Variants in DROSHA observed in about 807,000 individuals in gnomAD.
The protein encoded by DROSHA is ribonuclease 3.
In DROSHA, 56 loss-of-function variants were observed where a neutral mutation model predicts 181.9. The ratio of observed to expected loss-of-function variants is 0.31; its 90% CI spans 0.25 to 0.38. DROSHA has a LOEUF of 0.38. Ranked by LOEUF, DROSHA falls within the 10% of genes least tolerant of loss-of-function variation. The pLI is 1.00. For synonymous variants in DROSHA, 524 were observed against 591.2 expected, an observed-to-expected ratio of 0.89 and a Z score of 1.65; for missense variants, 1,218 against 1,743.5, an observed-to-expected ratio of 0.70 and a Z score of 5.37.
At chr5:31,494,320 A>G (rs1003242553) in intron 12 of DROSHA, among the ~76,000 whole-genome samples, 2 of 152,208 alleles carry the variant, frequency 1.3e-5, no homozygotes, top group African/African-American at 4.8e-5. Flanking sequence ...CTGATGACCT[A>G]TAAGACATAT....
At chr5:31,440,466 G>A (rs895675599) in intron 23 of DROSHA, among the ~76,000 whole-genome samples, 7 of 151,786 alleles carry the variant, frequency 4.6e-5, no homozygotes, top group African/African-American at 1.2e-4. Flanking sequence ...TTCACTTATC[G>A]CATTAGTAAG....
chr5:31,441,766 T>G (rs967117918), intron 23 of DROSHA, among the ~76,000 whole-genome samples: 41 of 152,124 alleles, frequency 2.7e-4, no homozygotes, highest in African/African-American at 9.9e-4. Flanking sequence ...AAGAAAGAAA[T>G]AGTGAGTTTT....
chr5:31,513,621 C>T (rs1738941945), intron 8 of DROSHA, among the ~76,000 whole-genome samples: 1 of 152,158 alleles, frequency 6.6e-6, no homozygotes, highest in African/African-American at 2.4e-5. Context: ...CTTCTCAAAT[C>T]CTTTGTTTCC....
At chr5:31,494,835 C>T (rs1223877731) in intron 12 of DROSHA, among the ~76,000 whole-genome samples, 5 of 149,248 alleles carry the variant, frequency 3.4e-5, no homozygotes, top group African/African-American at 1.0e-4. Flanking sequence ...CCACCATGCC[C>T]GGCTAATTTT....
chr5:31,436,209 C>T (rs1185892591), intron 24 of DROSHA, among the ~76,000 whole-genome samples: 1 of 152,156 alleles, frequency 6.6e-6, no homozygotes, highest in Non-Finnish European at 1.5e-5. Flanking sequence ...TTTCCTTGGG[C>T]TGTGTTACGT....
chr5:31,433,532 C>T (rs1300250926), intron 25 of DROSHA, among the ~76,000 whole-genome samples: 6 of 152,032 alleles, frequency 3.9e-5, no homozygotes, highest in South Asian at 2.1e-4. Context: ...TTTCCATGCA[C>T]GCATTAGCAC....
intron 9 of DROSHA, among the ~76,000 whole-genome samples, 176 bp from the exon 10 acceptor site, chr5:31,508,951 T>C (rs947150490): frequency 1.3e-5 from 2 of 151,934 alleles, no homozygotes; most frequent in African/African-American, 4.8e-5. Flanking sequence ...GCCTCCCGAG[T>C]AGCTGGGATT....
At position 31,485,068 on chromosome 5, in the gene DROSHA, A is replaced by G. The variant is rs550762212; in HGVS notation, c.1915-106T>C. 1.8e-4 allele frequency: 133 copies of G among 736,998 alleles called. 1 individual carries two copies. In the South Asian group the frequency reaches 2.4e-3, roughly 13 times the overall value. 45.7% of individuals were successfully genotyped at this position (736,998 alleles called of 1,614,324 possible). A position where few individuals can be genotyped will look rare whatever the true frequency, so the allele number is the denominator to read the frequency against. On this transcript the variant is annotated intron_variant, in intron 14 of 35. Transcript: ENST00000344624. ...GTCTTTAAAAGTGTCTGTTAAAACT[A>G]TACTAAGACCATATAGTTTCCTGAA...
Position 31,526,073 on chromosome 5 carries a change from G to A in DROSHA, c.854+6C>T. On this transcript the variant is annotated splice_donor_region_variant and intron_variant, in intron 5 of 35. Coordinates refer to ENST00000344624, the MANE Select transcript of DROSHA (RefSeq NM_001382508.1). The stretch of plus-strand genomic sequence containing the variant: ...TTCATTAAAGAACTACACACAAGCG[G>A]TTTACCTGCTCCGTTCGTAGCTGCG... 1 of 1,573,652 alleles carries A rather than the reference G, an allele frequency of 6.4e-7. No individual in the cohort carries two copies.
At chr5:31,463,626 T>C (rs1033664823) in intron 20 of DROSHA, among the ~76,000 whole-genome samples, 1 of 152,186 alleles carries the variant, frequency 6.6e-6, no homozygotes, top group Non-Finnish European at 1.5e-5. Flanking sequence ...TATGTTGGTT[T>C]AGGGGATCTT....
intron 16 of DROSHA, among the ~76,000 whole-genome samples, chr5:31,480,791 A>T (rs1457471304): frequency 6.6e-6 from 1 of 152,210 alleles, no homozygotes; most frequent in Non-Finnish European, 1.5e-5. Context: ...ATACAACAAG[A>T]CAGACAAATG....
At chr5:31,523,277 A>G (rs1035470785) in intron 5 of DROSHA, among the ~76,000 whole-genome samples, 5 of 152,234 alleles carry the variant, frequency 3.3e-5, no homozygotes, top group African/African-American at 1.2e-4. Context: ...CCCCAAGCAC[A>G]TTATAAAACA....
chr5:31,410,830 C>T lies in DROSHA; in HGVS notation c.3583G>A (p.Gly1195Ser). ...TTGGTTATGGCGTACTCCTGCATGC[C>T]CAGCTCCTCCGCTACCTTGGCCTGA... is the stretch of plus-strand genomic sequence containing the variant. ...RTQAKVAEEL[G>S]MQEYAITNDK... The change falls in exon 31 of 36, where the codon GGC becomes AGC. Residue 1195 changes from glycine to serine, a missense_variant. This residue lies in a region of DROSHA where 47 missense variants were observed against 70.6 expected (regional missense o/e 0.67). Transcript: ENST00000344624. The T allele has an allele frequency of 6.2e-7, 1 of 1,613,998 alleles. No individual in the cohort carries two copies. The highest frequency in any genetic ancestry group is 8.5e-7 in the Non-Finnish European group (1 of 1,179,846).
intron 20 of DROSHA, among the ~76,000 whole-genome samples, chr5:31,463,395 A>C (rs1291218810): frequency 6.6e-6 from 1 of 152,214 alleles, no homozygotes; most frequent in Non-Finnish European, 1.5e-5. Flanking sequence ...ATTATGATGA[A>C]ATGAACACTA....
Position 31,451,536 on chromosome 5 carries a change from C to A in DROSHA, c.2679G>T (p.Leu893Phe), listed in dbSNP as rs1445815042. 1 of 1,608,514 alleles carries A rather than the reference C, an allele frequency of 6.2e-7. No individual in the cohort carries two copies. Among genetic ancestry groups the A allele is most frequent in the Admixed American group, 1.7e-5 (1 of 59,406 alleles). ...TTTACAGGAGAATAATTCTTACCTG[C>A]AACAGACAACGATCTTGGAAAGTAT... is the stretch of plus-strand genomic sequence containing the variant. ...IGYTFQDRCLLQLAMTHPSHH... is the reference protein window; with the variant it reads ...IGYTFQDRCLFQLAMTHPSHH... The change falls in exon 21 of 36, where the codon TTG (leucine) becomes TTT (phenylalanine). Residue 893 changes from leucine to phenylalanine, a missense_variant. Leu to Phe is a conservative substitution (Grantham distance 22). Coordinates refer to ENST00000344624, the MANE Select transcript of DROSHA (RefSeq NM_001382508.1).
rs918256262 is a variant in DROSHA, at chr5:31,431,727, T to C, written c.3043-49A>G. The C allele has an allele frequency of 1.9e-6, 3 of 1,558,412 alleles. No individual in the cohort carries two copies. In the African/African-American group the frequency reaches 4.1e-5, roughly 21 times the overall value. On this transcript the variant is annotated intron_variant, in intron 25 of 35. Transcript: ENST00000344624. Reference sequence around the variant, plus strand: ...CGTAAGAAAGAGTTTGCCAAAATCTTAACTATAGTAACTCAGCATCTCTTG... The same window carrying C: ...CGTAAGAAAGAGTTTGCCAAAATCTCAACTATAGTAACTCAGCATCTCTTG...
chr5:31,443,149 A>T (rs924813808), intron 23 of DROSHA, among the ~76,000 whole-genome samples: 5 of 150,978 alleles, frequency 3.3e-5, no homozygotes. Flanking sequence ...CCACCCGAGT[A>T]GCTGGGATTA....
At chr5:31,512,656 A>T (rs1738823880) in intron 8 of DROSHA, among the ~76,000 whole-genome samples, 1 of 152,224 alleles carries the variant, frequency 6.6e-6, no homozygotes, top group Non-Finnish European at 1.5e-5. Context: ...TAGAACAGGA[A>T]TCCTTAAAAT....
rs1739176776 is a variant in DROSHA at position 31,515,484 on chromosome 5, G to A, written c.1028C>T (p.Ser343Phe). ...CACAATCTCCAGGGGTGGGGCCCAA[G>A]AATCTGTATTTTTAATAATCTCCCC... ...LPGEIIKNTD[S>F]WAPPLEIVNH... Residue 343 changes from serine to phenylalanine, a missense_variant, in exon 7 of 36, where the codon TCT becomes TTT. Transcript: ENST00000344624. The A allele has an allele frequency of 3.4e-6, 5 of 1,467,106 alleles. No homozygotes were observed. The East Asian group carries it at 9.9e-5, about 29-fold the overall frequency. The allele number at this position is 1,467,106 out of a possible 1,614,324, so 90.9% of individuals were successfully genotyped here.
Sources: gnomAD v4.1 joint callset for allele counts (sites outside exome capture counted in the v4.1 genomes callset) on GRCh38, gnomAD v4.1.1 for gene constraint, gnomAD v4.1.1 regional missense constraint, MANE v1.5 for transcripts, NCBI Gene and HGNC (gene_info 2026-07-23, HGNC 2026-07-21) for gene names.